The following CIMAP1A variants were observed in gnomAD, a reference collection of about 807,000 sequenced individuals.
CIMAP1A encodes ciliary microtubule associated protein 1A.
the CIMAP1A span, chr11:198,134 G>T: frequency 1.3e-6 from 2 of 1,574,542 alleles, no homozygotes; most frequent in Non-Finnish European, 1.7e-6. Context: ...AGTCCTCCTT[G>T]AGCCCCCAAA....
chr11:199,454 A>G, the CIMAP1A span: 1 of 1,564,546 alleles, frequency 6.4e-7, no homozygotes, highest in Non-Finnish European at 8.7e-7. Context: ...GCCCGTGTGG[A>G]GCCCCCAGGG....
chr11:197,670 C>A, the CIMAP1A span: 3 of 1,613,740 alleles, frequency 1.9e-6, no homozygotes, highest in Admixed American at 1.7e-5. Flanking sequence ...ACAATGTAAA[C>A]CCCAAGATAC....
chr11:199,624 A>G, the CIMAP1A span: 1 of 1,080,474 alleles, frequency 9.3e-7, no homozygotes, highest in Non-Finnish European at 1.1e-6. Flanking sequence ...AAACAGGGTC[A>G]GGCTATGGAA....
the CIMAP1A span, chr11:197,590 C>T: frequency 1.1e-5 from 17 of 1,613,228 alleles, 1 homozygote; most frequent in South Asian, 3.3e-5. Context: ...CACCAAGCTG[C>T]GTGCACCGGC....
At chr11:197,279 C>A in the CIMAP1A span, 1 of 1,514,270 alleles carries the variant, frequency 6.6e-7, no homozygotes, top group South Asian at 1.2e-5. Context: ...ACCTGGTAAC[C>A]CTCTCACTTA....
the CIMAP1A span, chr11:198,011 T>G: frequency 2.3e-5 from 36 of 1,537,686 alleles, no homozygotes; most frequent in Admixed American, 6.3e-4. Context: ...TGCTCAAAAA[T>G]AGCCTTTGTC....
the CIMAP1A span, chr11:199,518 A>G: frequency 1.3e-6 from 2 of 1,552,066 alleles, no homozygotes; most frequent in Non-Finnish European, 1.7e-6. Flanking sequence ...AGGTCCAGGA[A>G]GAGCACAGCT....
At chr11:198,180 C>A in the CIMAP1A span, 1 of 1,610,808 alleles carries the variant, frequency 6.2e-7, no homozygotes, top group Admixed American at 1.7e-5. Context: ...CCCAGCAGCC[C>A]CCTTGGCTCC....
the CIMAP1A span, chr11:197,643 C>T: frequency 3.7e-6 from 6 of 1,613,598 alleles, no homozygotes; most frequent in South Asian, 6.6e-5. Context: ...CAGAGAACTG[C>T]TCCCCAGGGC....
At chr11:198,384 G>C in the CIMAP1A span, 40 of 1,613,070 alleles carry the variant, frequency 2.5e-5, no homozygotes, top group Non-Finnish European at 3.3e-5. Flanking sequence ...CCCGACGGCT[G>C]ATCTCCAGAG....
At chr11:199,409 T>C in the CIMAP1A span, 1 of 1,575,070 alleles carries the variant, frequency 6.3e-7, no homozygotes, top group Non-Finnish European at 8.6e-7. Flanking sequence ...GATGTGCGGG[T>C]GACCAAGTTC....
the CIMAP1A span, chr11:198,466 C>T: frequency 1.9e-6 from 3 of 1,613,252 alleles, no homozygotes; most frequent in Non-Finnish European, 2.5e-6. Flanking sequence ...CCCTGCAGGC[C>T]CCGCTGCGTA....
chr11:197,799 C>G, the CIMAP1A span: 1 of 1,600,660 alleles, frequency 6.2e-7, no homozygotes, highest in South Asian at 1.1e-5. Flanking sequence ...CCTGCGCAGC[C>G]TCAGGCCTGC....
At chr11:197,598 G>T in the CIMAP1A span, 2 of 1,613,286 alleles carry the variant, frequency 1.2e-6, no homozygotes, top group Admixed American at 1.7e-5. Flanking sequence ...TGCGTGCACC[G>T]GCCTACAGCT....
the CIMAP1A span, chr11:199,820 G>A: frequency 6.8e-7 from 1 of 1,478,154 alleles, no homozygotes; most frequent in South Asian, 1.4e-5. Flanking sequence ...TCAAACCTGG[G>A]AGCATAGCTT....
the CIMAP1A span, chr11:197,169 T>TGAG: frequency 0.9 from 537,097 of 598,616 alleles, 244,087 homozygotes; most frequent in East Asian, 0.99. Context: ...AGATCCCCAC[T>TGAG]GATGCTGCAG....
At chr11:199,964 C>A in the CIMAP1A span, 3 of 1,613,992 alleles carry the variant, frequency 1.9e-6, no homozygotes, top group African/African-American at 1.3e-5. Context: ...CCAAGCCCTG[C>A]GCCCCAGTTG....
At chr11:199,654 T>A in the CIMAP1A span, 2 of 353,370 alleles carry the variant, frequency 5.7e-6, no homozygotes, top group East Asian at 1.8e-4. Flanking sequence ...CAAGAAGGGG[T>A]GGAGGGGTGG....
the CIMAP1A span, chr11:200,182 T>C: frequency 1.5e-6 from 1 of 659,984 alleles, no homozygotes; most frequent in Non-Finnish European, 2.5e-6. Flanking sequence ...TCAGTTACTT[T>C]TTTTCTATGC....
Sources: allele counts gnomAD v4.1 joint callset, GRCh38; gene constraint gnomAD v4.1.1; transcripts MANE v1.5; gene names NCBI Gene and HGNC (gene_info 2026-07-23, HGNC 2026-07-21).